Variants in ROR1 observed in about 807,000 individuals in gnomAD.
The protein encoded by ROR1 is ROR family WNT receptor 1.
Under a neutral mutation model 78.8 loss-of-function variants are expected in ROR1, and 19 were observed. The observed-to-expected ratio is 0.24, with a 90% CI of 0.17 to 0.35. ROR1 has a LOEUF of 0.35. ROR1 is among the 10% of genes least tolerant of loss of function. The pLI, the probability that ROR1 is intolerant of heterozygous loss-of-function variation, is 1.00. For missense variants in ROR1, 917 were observed against 1,177.8 expected, an observed-to-expected ratio of 0.78 and a Z score of 3.24; for synonymous variants, 386 against 433.6, an observed-to-expected ratio of 0.89 and a Z score of 1.36.
intron 1 of ROR1, among the ~76,000 whole-genome samples, chr1:63,824,038 G>A (rs771157180): frequency 2.6e-5 from 4 of 152,080 alleles, no homozygotes; most frequent in Non-Finnish European, 4.4e-5. Flanking sequence ...GTGAGCTACC[G>A]TGCCCAGCCC....
intron 1 of ROR1, among the ~76,000 whole-genome samples, chr1:63,923,828 C>G (rs1413619195): frequency 6.6e-6 from 1 of 151,902 alleles, no homozygotes; most frequent in Non-Finnish European, 1.5e-5. Context: ...ACTTACCCAC[C>G]TCCACTGGAT....
intron 1 of ROR1, among the ~76,000 whole-genome samples, chr1:63,822,867 C>G (rs1182592312): frequency 6.6e-6 from 1 of 151,760 alleles, no homozygotes; most frequent in East Asian, 1.9e-4. Context: ...TGGCAATAAC[C>G]CTTTGAAGTG....
chr1:64,132,760 CAA>C (rs749607703), intron 4 of ROR1, among the ~76,000 whole-genome samples: 9,612 of 69,318 alleles, frequency 0.14, 205 homozygotes, highest in Non-Finnish European at 0.17. Context: ...GACTCCATCT[CAA>C]AAAAAAAAAA....
chr1:64,174,935 A>T (rs1311684566), intron 8 of ROR1, among the ~76,000 whole-genome samples: 3 of 152,124 alleles, frequency 2.0e-5, no homozygotes, highest in Admixed American at 2.0e-4. Context: ...GCAAAAGGAA[A>T]AATGGTGGAT....
At chr1:64,141,959 C>G (rs1216864717) in intron 6 of ROR1, among the ~76,000 whole-genome samples, 1 of 152,106 alleles carries the variant, frequency 6.6e-6, no homozygotes, top group Non-Finnish European at 1.5e-5. Context: ...CCAGAATGCA[C>G]AGCCTCTGAT....
At chr1:63,879,701 A>G (rs1645310802) in intron 1 of ROR1, among the ~76,000 whole-genome samples, 1 of 152,150 alleles carries the variant, frequency 6.6e-6, no homozygotes, top group Non-Finnish European at 1.5e-5. Context: ...ACCATTTTTC[A>G]AGCTTATTTG....
chr1:64,051,611 A>G (rs951657830), intron 4 of ROR1, among the ~76,000 whole-genome samples: 3 of 152,092 alleles, frequency 2.0e-5, no homozygotes, highest in Non-Finnish European at 2.9e-5. Flanking sequence ...TAAAGGTCCA[A>G]TTTCTTTCAC....
chr1:63,821,149 C>T (rs1206530158), intron 1 of ROR1, among the ~76,000 whole-genome samples: 1 of 152,164 alleles, frequency 6.6e-6, no homozygotes, highest in African/African-American at 2.4e-5. Context: ...CACATTGTAC[C>T]TAGATTAAAG....
rs568701342 is a variant in ROR1 at position 64,077,997 on chromosome 1, C to A, written c.482+27281C>A. Reference sequence around the variant, plus strand: ...TGCCCTTAACTCTCTGGTGTACTGGCAAATAAACTGTCACCTGCTAAGACA... The same window carrying A: ...TGCCCTTAACTCTCTGGTGTACTGGAAAATAAACTGTCACCTGCTAAGACA... On this transcript the variant is annotated intron_variant, in intron 4 of 8. Coordinates refer to ENST00000371079, the MANE Select transcript of ROR1 (RefSeq NM_005012.4). Among the ~76,000 whole-genome samples the A allele has an allele frequency of 8.5e-5, 13 of 152,198 alleles. No homozygotes were observed. The East Asian group carries it at 2.5e-3, about 29-fold the overall frequency.
At chr1:64,161,487 G>A (rs1009769435) in intron 8 of ROR1, among the ~76,000 whole-genome samples, 1 of 152,218 alleles carries the variant, frequency 6.6e-6, no homozygotes, top group African/African-American at 2.4e-5. Flanking sequence ...TAAGGGGCCT[G>A]CATGGCAGTC....
chr1:64,005,499 G>A (rs1646420313), intron 1 of ROR1, among the ~76,000 whole-genome samples: 1 of 152,150 alleles, frequency 6.6e-6, no homozygotes, highest in Non-Finnish European at 1.5e-5. Flanking sequence ...CCAGGCTGGT[G>A]GTAAATATAC....
chr1:63,937,507 TTTTTTTAA>T (rs1645803212), intron 1 of ROR1, among the ~76,000 whole-genome samples: 1 of 152,226 alleles, frequency 6.6e-6, no homozygotes, highest in Non-Finnish European at 1.5e-5. Flanking sequence ...AAGTTGTTTT[TTTTTTTAA>T]TTATATGGCT....
chr1:64,152,301 C>T (rs1249386747), intron 7 of ROR1, among the ~76,000 whole-genome samples: 2 of 152,190 alleles, frequency 1.3e-5, no homozygotes, highest in Non-Finnish European at 2.9e-5. Context: ...TTTCCTTCCC[C>T]ATTCTTCTCC....
At chr1:63,790,518 T>C (rs1269870727) in intron 1 of ROR1, among the ~76,000 whole-genome samples, 1 of 152,214 alleles carries the variant, frequency 6.6e-6, no homozygotes, top group African/African-American at 2.4e-5. Flanking sequence ...CTGTGATAAC[T>C]GGGTTTTGCT....
intron 1 of ROR1, among the ~76,000 whole-genome samples, chr1:63,795,175 T>C (rs1032213176): frequency 1.3e-5 from 2 of 152,238 alleles, no homozygotes; most frequent in South Asian, 4.1e-4. Flanking sequence ...ATGGATTACA[T>C]TCTTCGAGTT....
chr1:63,912,136 A>C (rs896562354), intron 1 of ROR1, among the ~76,000 whole-genome samples: 11 of 151,870 alleles, frequency 7.2e-5, no homozygotes, highest in Non-Finnish European at 1.6e-4. Flanking sequence ...AAAAAAAAAA[A>C]AAAAAATACT....
intron 2 of ROR1, among the ~76,000 whole-genome samples, chr1:64,011,174 A>G (rs973435359): frequency 1.3e-5 from 2 of 152,180 alleles, no homozygotes; most frequent in African/African-American, 4.8e-5. Context: ...TATTTTTTCT[A>G]TTGCCAAATT....
At chr1:64,165,701 CTTTT>C (rs576997668) in intron 8 of ROR1, among the ~76,000 whole-genome samples, 1 of 102,920 alleles carries the variant, frequency 9.7e-6, no homozygotes, top group Non-Finnish European at 1.9e-5. Flanking sequence ...TCGGGTTTTA[CTTTT>C]TTTTTTTTTT....
chr1:64,073,653 G>C (rs1463458645), intron 4 of ROR1, among the ~76,000 whole-genome samples: 1 of 152,190 alleles, frequency 6.6e-6, no homozygotes, highest in African/African-American at 2.4e-5. Context: ...TGTTTCTTCA[G>C]AGAAAGTTAG....
Sources: gnomAD v4.1 joint callset for allele counts (sites outside exome capture counted in the v4.1 genomes callset) on GRCh38, gnomAD v4.1.1 for gene constraint, MANE v1.5 for transcripts, NCBI Gene and HGNC (gene_info 2026-07-23, HGNC 2026-07-21) for gene names.